The following NCOR2 variants were observed in gnomAD, a reference collection of about 807,000 sequenced individuals.
NCOR2 encodes CTG repeat protein 26.
NCOR2 carries 81 observed loss-of-function variants against 262.9 expected under a neutral mutation model. The observed-to-expected ratio is 0.31, with a 90% CI of 0.26 to 0.37. The LOEUF (loss-of-function observed/expected upper bound fraction) is 0.37. Ranked by LOEUF, NCOR2 falls within the 10% of genes least tolerant of loss-of-function variation. NCOR2 has a pLI of 1.00. For missense variants in NCOR2, 3,385 were observed against 3,621.4 expected, an observed-to-expected ratio of 0.93 and a Z score of 1.68; for synonymous variants, 1,659 against 1,559.3, an observed-to-expected ratio of 1.06 and a Z score of -1.51.
chr12:124,335,027 C>G (rs76843642), intron 40 of NCOR2, 108 bp downstream of exon 42: 26,410 of 1,558,464 alleles, frequency 0.017, 1,082 homozygotes, highest in South Asian at 0.11. Flanking sequence ...CCTGGATCCC[C>G]CAGCCACCCC....
intron 1 of NCOR2, among the ~76,000 whole-genome samples, chr12:124,560,762 G>A (rs1248956601): frequency 2.6e-5 from 4 of 152,220 alleles, no homozygotes; most frequent in South Asian, 2.1e-4. Flanking sequence ...GCCAGGAACC[G>A]AGGGAGACTT....
chr12:124,500,886 G>A (rs550033091), intron 1 of NCOR2, among the ~76,000 whole-genome samples: 12 of 152,270 alleles, frequency 7.9e-5, no homozygotes, highest in Admixed American at 2.6e-4. Flanking sequence ...GCGCTCAGCC[G>A]CGGGCTGTGG....
chr12:124,412,244 C>T (rs567900608), intron 13 of NCOR2, among the ~76,000 whole-genome samples: 8 of 152,352 alleles, frequency 5.3e-5, no homozygotes, highest in East Asian at 3.8e-4. Flanking sequence ...ACGTAACCAT[C>T]GAAATGACAC....
chr12:124,549,395 T>G lies in NCOR2; in HGVS notation c.-164-13784A>C, dbSNP rs2051641556. 2.0e-5 allele frequency among the ~76,000 whole-genome samples: 3 copies of G among 152,090 alleles called. No homozygotes were observed. Among genetic ancestry groups the G allele is most frequent in the Admixed American group, 2.0e-4 (3 of 15,272 alleles). On this transcript the variant is annotated intron_variant, in intron 1 of 32. Transcript: ENST00000458234. This position sits in a 1 kb window ranked among gnomAD's most constrained non-coding sequence, Gnocchi z 4.4. ...CGCCTGCTCAGGTTCACGTTCGGGATCAAATGAACCCACTTAATCCCCCTA... is the reference window on the plus strand; with the variant it reads ...CGCCTGCTCAGGTTCACGTTCGGGAGCAAATGAACCCACTTAATCCCCCTA...
At chr12:124,520,431 T>G (rs59700399) in intron 1 of NCOR2, among the ~76,000 whole-genome samples, 2 of 152,130 alleles carry the variant, frequency 1.3e-5, no homozygotes, top group Admixed American at 6.5e-5. Flanking sequence ...CATTTTTGTT[T>G]GTTTTGGACA....
chr12:124,494,736 A>T (rs2048287246), intron 1 of NCOR2, among the ~76,000 whole-genome samples: 2 of 152,200 alleles, frequency 1.3e-5, no homozygotes, highest in African/African-American at 4.8e-5. Flanking sequence ...ACAGGAAGGA[A>T]GGGGAGCTGT....
intron 5 of NCOR2, among the ~76,000 whole-genome samples, chr12:124,463,908 C>T (rs868478739): frequency 6.6e-6 from 1 of 151,710 alleles, no homozygotes; most frequent in Admixed American, 6.6e-5. Flanking sequence ...CCCTTCCTGC[C>T]GCCTGAATAT....
At position 124,523,329 on chromosome 12, in the gene NCOR2, G is replaced by A. The variant is rs964230514; in HGVS notation, c.-118+12236C>T. Among the ~76,000 whole-genome samples the A allele has an allele frequency of 7.2e-5, 11 of 152,206 alleles. No individual in the cohort carries two copies. The highest frequency in any genetic ancestry group is 2.4e-4 in the African/African-American group (10 of 41,456). On this transcript the variant is annotated intron_variant, in intron 1 of 46. Transcript: ENST00000404621. This position sits in a 1 kb window ranked among gnomAD's most constrained non-coding sequence, Gnocchi z 4.0. ...CTGGCAAGGACGGCTGGGGGCAGGG[G>A]GCAGGTGGCTGCCTGTTCTGGGGCT...
At chr12:124,544,422 C>T (rs1374936305) in intron 1 of NCOR2, among the ~76,000 whole-genome samples, 1 of 152,238 alleles carries the variant, frequency 6.6e-6, no homozygotes, top group Admixed American at 6.5e-5. Context: ...GGAGCAGGGT[C>T]TGGCCTTTAG....
chr12:124,403,342 A>G (rs1593387502), intron 13 of NCOR2, among the ~76,000 whole-genome samples: 1 of 152,122 alleles, frequency 6.6e-6, no homozygotes, highest in African/African-American at 2.4e-5. Context: ...CTGGGAGCCA[A>G]GCCAGCCTCC....
chr12:124,383,460 G>C, intron 17 of NCOR2: 1 of 877,956 alleles, frequency 1.1e-6, no homozygotes, highest in Non-Finnish European at 1.5e-6. Flanking sequence ...GGTGCCTTAA[G>C]CATGGCCCGT....
chr12:124,565,739 A>AC (rs2052217831), intron 1 of NCOR2, among the ~76,000 whole-genome samples: 1 of 152,172 alleles, frequency 6.6e-6, no homozygotes, highest in African/African-American at 2.4e-5. Context: ...TGAACTCAGT[A>AC]CCATTTTGAC....
chr12:124,553,547 C>T (rs2051782666), intron 1 of NCOR2, among the ~76,000 whole-genome samples: 1 of 152,220 alleles, frequency 6.6e-6, no homozygotes, highest in South Asian at 2.1e-4. Flanking sequence ...GTGAGCATGA[C>T]CAGTGCCAGC....
chr12:124,405,912 A>G (rs372045843), intron 13 of NCOR2, among the ~76,000 whole-genome samples: 3 of 152,230 alleles, frequency 2.0e-5, no homozygotes, highest in South Asian at 4.2e-4. Context: ...ACTGGGGGCC[A>G]TGGTTCTCAA....
chr12:124,499,445 C>A (rs2048566017), upstream of NCOR2, among the ~76,000 whole-genome samples: 1 of 152,156 alleles, frequency 6.6e-6, no homozygotes, highest in Non-Finnish European at 1.5e-5. Context: ...GGGGCTCTGC[C>A]CAGCCCTGGG....
chr12:124,458,257 C>T (rs932298301), intron 5 of NCOR2, among the ~76,000 whole-genome samples: 3 of 152,230 alleles, frequency 2.0e-5, no homozygotes, highest in African/African-American at 4.8e-5. Flanking sequence ...AAAAATTTGA[C>T]GCAGCCTTTG....
rs375405410 is a variant in NCOR2, at chr12:124,378,405, A to T, written c.2020-21T>A. 1 of 1,603,022 alleles carries T rather than the reference A, an allele frequency of 6.2e-7. No homozygotes were observed. The highest frequency in any genetic ancestry group is 8.5e-7 in the Non-Finnish European group (1 of 1,176,168). ...TTCTCCTGGGGCACAGGGAAGCAGC[A>T]GATCAGGACTGGGGCCTGGGCTGTC... On this transcript the variant is annotated intron_variant, in intron 17 of 46. Transcript: ENST00000405201. This position sits in a 1 kb window ranked among gnomAD's most constrained non-coding sequence, Gnocchi z 4.2.
chr12:124,374,901 GC>G (rs1211542138), intron 18 of NCOR2, among the ~76,000 whole-genome samples: 4 of 152,052 alleles, frequency 2.6e-5, no homozygotes, highest in Non-Finnish European at 2.9e-5. Context: ...AGCCTTCATT[GC>G]CCCCCCACCA....
intron 13 of NCOR2, among the ~76,000 whole-genome samples, chr12:124,412,800 G>C (rs1053359468): frequency 1.3e-5 from 2 of 152,234 alleles, no homozygotes; most frequent in East Asian, 3.8e-4. Flanking sequence ...CTTATTGTGG[G>C]GTGAGGGGTG....
Sources: allele counts gnomAD v4.1 joint callset (sites outside exome capture counted in the v4.1 genomes callset), GRCh38; gene constraint gnomAD v4.1.1; non-coding constraint Gnocchi (gnomAD v3.1); transcripts MANE v1.5; gene names NCBI Gene and HGNC (gene_info 2026-07-23, HGNC 2026-07-21).